The following SEC14L6 variants were observed in gnomAD, a reference collection of about 807,000 sequenced individuals.
SEC14L6 encodes the protein SEC14-like protein 6.
SEC14L6 carries 40 observed loss-of-function variants against 54.1 expected under a neutral mutation model. The ratio of observed to expected loss-of-function variants is 0.74; its 90% CI spans 0.57 to 0.96. The LOEUF is 0.96. Ranked by LOEUF, SEC14L6 falls within the 40% of genes least tolerant of loss-of-function variation. The probability of loss-of-function intolerance (pLI) is 0.00; values close to 1 mark genes in which losing one functional copy is unlikely to be tolerated. For missense variants in SEC14L6, 471 were observed against 498.3 expected (o/e 0.95, Z 0.52); for synonymous variants, 171 against 198.4 (o/e 0.86, Z 1.16).
At chr22:30,531,186 T>A (rs757502040) in intron 6 of SEC14L6, among the ~76,000 whole-genome samples, 3 of 152,010 alleles carry the variant, frequency 2.0e-5, no homozygotes, top group Admixed American at 6.6e-5. Flanking sequence ...GGCAGGCAGA[T>A]CACCTGAGGT....
chr22:30,541,398 C>A (rs1323656797), intron 1 of SEC14L6, among the ~76,000 whole-genome samples: 3 of 152,180 alleles, frequency 2.0e-5, no homozygotes, highest in African/African-American at 4.8e-5. Flanking sequence ...GTGGCTCACG[C>A]CTGTAATCCC....
At chr22:30,526,031 C>T in intron 8 of SEC14L6, 99 bp from the exon 9 acceptor site, 1 of 1,422,598 alleles carries the variant, frequency 7.0e-7, no homozygotes, top group Non-Finnish European at 9.7e-7. Flanking sequence ...AGCTGCTCTC[C>T]CTCCCTGGCG....
chr22:30,546,084 C>T (rs933950733), intron 1 of SEC14L6, among the ~76,000 whole-genome samples: 1 of 149,880 alleles, frequency 6.7e-6, no homozygotes, highest in African/African-American at 2.4e-5. Context: ...AATGGAGCTA[C>T]TAGAAAATTT....
intron 2 of SEC14L6, 143 bp downstream of exon 2, chr22:30,538,684 C>A (rs2085643004): frequency 6.4e-6 from 4 of 628,440 alleles, no homozygotes; most frequent in Non-Finnish European, 1.1e-5. Flanking sequence ...TAATTCCTGG[C>A]CACAGAAATC....
In SEC14L6 at chr22:30,524,808, C is replaced by A; in HGVS notation, c.*189G>T. The stretch of plus-strand genomic sequence containing the variant: ...AGTGTCTGTGTTGCTTTGCTGTGAC[C>A]ATCGGGCCACCACTAGGACACTGTC... On this transcript the variant is annotated 3_prime_UTR_variant, in exon 12 of 12. Transcript: ENST00000402034. 7.2e-6 allele frequency: 4 copies of A among 557,000 alleles called. No individual in the cohort carries two copies. Among genetic ancestry groups the A allele is most frequent in the Non-Finnish European group, 1.3e-5 (4 of 308,496 alleles). The allele number at this position is 557,000 out of a possible 1,614,324, so 34.5% of individuals were successfully genotyped here. A position where few individuals can be genotyped will look rare whatever the true frequency, so the allele number is the denominator to read the frequency against.
At chr22:30,545,551 C>A (rs1158063036) in intron 1 of SEC14L6, among the ~76,000 whole-genome samples, 2 of 152,134 alleles carry the variant, frequency 1.3e-5, no homozygotes, top group East Asian at 3.9e-4. Flanking sequence ...TGGGCCACCA[C>A]ACCCAGCTAT....
intron 1 of SEC14L6, chr22:30,543,285 T>C: frequency 1.3e-6 from 2 of 1,582,870 alleles, no homozygotes; most frequent in Non-Finnish European, 1.7e-6. Context: ...GGGGGGACTC[T>C]TTTCGTGGGA....
chr22:30,533,338 C>T lies in SEC14L6; in HGVS notation c.175-482G>A, dbSNP rs548898606. ...AGCTCAGGCCAGGCACAATGTCTCACGCCTGTAATCCCAGCATTTTGGGAG... is the reference window on the plus strand; with the variant it reads ...AGCTCAGGCCAGGCACAATGTCTCATGCCTGTAATCCCAGCATTTTGGGAG... On this transcript the variant is annotated intron_variant, in intron 3 of 11. Coordinates refer to ENST00000402034, the MANE Select transcript of SEC14L6 (RefSeq NM_001193336.4). Among the ~76,000 whole-genome samples, 431 of 152,302 alleles carry T rather than the reference C, an allele frequency of 2.8e-3. 6 individuals are homozygous for T. Among genetic ancestry groups the T allele is most frequent in the African/African-American group, 9.5e-3 (395 of 41,570 alleles).
Position 30,525,078 on chromosome 22 carries a change from C to T in SEC14L6, c.1113G>A (p.Leu371=), listed in dbSNP as rs1199381336. ...TGTAGCTGATGCGTTTAGAATGAAC[C>T]AGGCTGTAGGTGTTGTAAAACCTCA... ...YVLRFYNTYS[L]VHSKRISYTV... Residue 371 remains leucine (L), a synonymous_variant, in exon 12 of 12, where the codon CTG becomes CTA. Transcript: ENST00000402034. 2 of 1,549,794 alleles carry T rather than the reference C, an allele frequency of 1.3e-6. No homozygotes were observed. The highest frequency in any genetic ancestry group is 1.7e-6 in the Non-Finnish European group (2 of 1,146,288).
Position 30,546,622 on chromosome 22 carries a change from C to T in SEC14L6, c.54+7G>A, listed in dbSNP as rs529705414. ...AGGCTGGTGTAGGAGTCTCTCCCTT[C>T]ACTCACCTGGGCCAGCGACTTCTCC... On this transcript the variant is annotated splice_region_variant and intron_variant, in intron 1 of 11. Transcript: ENST00000402034. 75 of 1,550,248 alleles carry T rather than the reference C, an allele frequency of 4.8e-5. No individual in the cohort carries two copies. The South Asian group carries it at 8.3e-4, about 17-fold the overall frequency.
intron 1 of SEC14L6, chr22:30,543,078 C>T: frequency 1.3e-6 from 2 of 1,598,876 alleles, no homozygotes; most frequent in Admixed American, 1.7e-5. Context: ...GCTTCACCTG[C>T]GAGTCTCATG....
intron 2 of SEC14L6, among the ~76,000 whole-genome samples, chr22:30,535,442 A>G (rs892138042): frequency 1.3e-5 from 2 of 152,232 alleles, no homozygotes; most frequent in Admixed American, 6.5e-5. Flanking sequence ...TCTGGGCATC[A>G]TAACAACCAT....
At chr22:30,536,895 G>A (rs2086482835) in intron 2 of SEC14L6, among the ~76,000 whole-genome samples, 1 of 151,462 alleles carries the variant, frequency 6.6e-6, no homozygotes, top group Admixed American at 6.6e-5. Flanking sequence ...GTGGTGGCGG[G>A]CACCTGTAAA....
intron 1 of SEC14L6, chr22:30,544,254 A>G: frequency 1.9e-6 from 1 of 529,426 alleles, no homozygotes; most frequent in East Asian, 3.0e-5. Flanking sequence ...GCTCTCCAGC[A>G]GCCACGGCCC....
chr22:30,540,372 T>A, intron 1 of SEC14L6, among the ~76,000 whole-genome samples: 1 of 139,966 alleles, frequency 7.1e-6, no homozygotes, highest in East Asian at 2.0e-4. Flanking sequence ...TGTTCCTTTT[T>A]TTTTTTTTTT....
At chr22:30,545,362 AG>A (rs1459285927) in intron 1 of SEC14L6, among the ~76,000 whole-genome samples, 1 of 152,122 alleles carries the variant, frequency 6.6e-6, no homozygotes, top group Non-Finnish European at 1.5e-5. Flanking sequence ...TAAAATACAC[AG>A]GATTCCAAAG....
chr22:30,532,462 G>A (rs1937011145), intron 5 of SEC14L6, 63 bp downstream of exon 5: 1 of 1,459,676 alleles, frequency 6.9e-7, no homozygotes, highest in African/African-American at 1.4e-5. Context: ...GATTCTGGGT[G>A]TGAGGCTCAG....
In SEC14L6 at chr22:30,546,631, G is replaced by A. The variant is rs915770677; in HGVS notation, c.52C>T (p.Gln18Ter). The stretch of plus-strand genomic sequence containing the variant: ...TAGGAGTCTCTCCCTTCACTCACCT[G>A]GGCCAGCGACTTCTCCTGCGATGGG... ...LSPSQEKSLAQFRENIQDVLS... is the reference protein window; with the variant it reads ...LSPSQEKSLA Residue 18 changes from glutamine (Q) to a stop codon, truncating the protein, a stop_gained and splice_region_variant, in exon 1 of 12, where the codon CAG becomes TAG. Transcript: ENST00000402034. LOFTEE classifies it high-confidence loss of function. 6.5e-7 allele frequency: 1 copy of A among 1,550,222 alleles called. No homozygotes were observed. Among genetic ancestry groups the A allele is most frequent in the African/African-American group, 1.4e-5 (1 of 73,000 alleles).
At chr22:30,525,327 G>T (rs980862044) in intron 11 of SEC14L6, 23 bp downstream of exon 11, 1 of 1,611,672 alleles carries the variant, frequency 6.2e-7, no homozygotes, top group Non-Finnish European at 8.5e-7. Context: ...GCTCCAGGTA[G>T]AGCCATCCCT....
Sources: gnomAD v4.1 joint callset for allele counts (sites outside exome capture counted in the v4.1 genomes callset) on GRCh38, gnomAD v4.1.1 for gene constraint, MANE v1.5 for transcripts, NCBI Gene and HGNC (gene_info 2026-07-23, HGNC 2026-07-21) for gene names.